Variants in DPP10 observed in about 807,000 individuals in gnomAD.
DPP10 encodes dipeptidyl peptidase like 10.
Under a neutral mutation model 120.9 loss-of-function variants are expected in DPP10, and 33 were observed. The observed-to-expected ratio is 0.27, with a 90% CI of 0.21 to 0.37. The LOEUF (loss-of-function observed/expected upper bound fraction) is 0.37, where lower values mean the gene tolerates loss of function less well. DPP10 is among the 10% of genes least tolerant of loss of function. DPP10 has a pLI of 1.00. For missense variants in DPP10, 816 were observed against 942.8 expected (o/e 0.87, Z 1.76); for synonymous variants, 337 against 326.1 (o/e 1.03, Z -0.36).
intron 1 of DPP10, chr2:114,461,507 C>A: frequency 2.3e-6 from 2 of 875,768 alleles, no homozygotes; most frequent in Non-Finnish European, 2.7e-6. Context: ...AACCAATTAG[C>A]CTCTCCCACA....
At chr2:115,376,659 T>C (rs1029967084) in intron 3 of DPP10, among the ~76,000 whole-genome samples, 3 of 150,606 alleles carry the variant, frequency 2.0e-5, no homozygotes, top group African/African-American at 7.3e-5. Flanking sequence ...CACTAACTCG[T>C]CATCTAGCAT....
At chr2:114,531,306 G>T (rs1343626193) in intron 1 of DPP10, among the ~76,000 whole-genome samples, 1 of 151,886 alleles carries the variant, frequency 6.6e-6, no homozygotes, top group Non-Finnish European at 1.5e-5. Flanking sequence ...AAATATTCCG[G>T]TCTTCAAGAA....
chr2:115,466,698 T>A (rs2074347613), intron 3 of DPP10, among the ~76,000 whole-genome samples: 1 of 152,198 alleles, frequency 6.6e-6, no homozygotes, highest in Admixed American at 6.5e-5. Flanking sequence ...AGAGGCTTGA[T>A]ATACTGTGAT....
intron 1 of DPP10, among the ~76,000 whole-genome samples, chr2:114,725,169 T>A (rs768258812): frequency 9.2e-5 from 14 of 152,204 alleles, no homozygotes; most frequent in Non-Finnish European, 1.6e-4. Context: ...GTCCCAGCCA[T>A]TGTCCTCACT....
chr2:114,575,872 C>T (rs75108550), intron 1 of DPP10, among the ~76,000 whole-genome samples: 1 of 152,200 alleles, frequency 6.6e-6, no homozygotes, highest in East Asian at 1.9e-4. Context: ...TGATTATCAT[C>T]CCCACCCCCT....
chr2:114,706,086 C>T (rs1700668219), intron 1 of DPP10, among the ~76,000 whole-genome samples: 1 of 152,196 alleles, frequency 6.6e-6, no homozygotes, highest in East Asian at 1.9e-4. Context: ...TTCTAAAGAA[C>T]CTAGCATATT....
chr2:114,832,010 GCA>G (rs140358136), intron 1 of DPP10, among the ~76,000 whole-genome samples: 5,956 of 151,522 alleles, frequency 0.039, 378 homozygotes, highest in African/African-American at 0.14. Flanking sequence ...AACAATGTTT[GCA>G]CACATTTAAA....
At chr2:114,990,643 A>G (rs1462991677) in intron 1 of DPP10, among the ~76,000 whole-genome samples, 1 of 152,048 alleles carries the variant, frequency 6.6e-6, no homozygotes, top group Non-Finnish European at 1.5e-5. Flanking sequence ...CCATTCAAGT[A>G]TTTATTTTTC....
chr2:115,082,284 C>T (rs1401045005), intron 1 of DPP10, among the ~76,000 whole-genome samples: 1 of 152,118 alleles, frequency 6.6e-6, no homozygotes, highest in South Asian at 2.1e-4. Flanking sequence ...GGAGGTTTCT[C>T]ACTCTTTAAA....
At chr2:114,804,543 C>T (rs1684555385) in intron 1 of DPP10, among the ~76,000 whole-genome samples, 1 of 152,194 alleles carries the variant, frequency 6.6e-6, no homozygotes, top group Non-Finnish European at 1.5e-5. Context: ...GAACCCACCT[C>T]TTGCATCAGC....
intron 1 of DPP10, among the ~76,000 whole-genome samples, chr2:114,798,069 GT>G (rs1181071686): frequency 1.3e-5 from 2 of 152,128 alleles, no homozygotes; most frequent in African/African-American, 4.8e-5. Flanking sequence ...TAAATTGACA[GT>G]CTACAAAGTA....
At chr2:115,799,156 A>G (rs1684877546) in intron 19 of DPP10, among the ~76,000 whole-genome samples, 1 of 152,000 alleles carries the variant, frequency 6.6e-6, no homozygotes, top group Non-Finnish European at 1.5e-5. Context: ...TCCTCTAGAC[A>G]TTAATACCTT....
At chr2:114,899,549 T>C (rs1693364549) in intron 1 of DPP10, among the ~76,000 whole-genome samples, 1 of 152,168 alleles carries the variant, frequency 6.6e-6, no homozygotes, top group Non-Finnish European at 1.5e-5. Context: ...CACCTAACTA[T>C]GCATCCTTAA....
chr2:115,415,577 A>G (rs1288944735), intron 3 of DPP10, among the ~76,000 whole-genome samples: 1 of 152,084 alleles, frequency 6.6e-6, no homozygotes, highest in African/African-American at 2.4e-5. Flanking sequence ...CAAGTGCACA[A>G]GGTTAGAAAC....
At chr2:115,758,596 C>A (rs1679721557) in intron 11 of DPP10, among the ~76,000 whole-genome samples, 1 of 151,934 alleles carries the variant, frequency 6.6e-6, no homozygotes, top group South Asian at 2.1e-4. Context: ...AACAGACAAG[C>A]TGTTTTTAAA....
At chr2:115,816,699 C>T (rs1687269190) in intron 21 of DPP10, among the ~76,000 whole-genome samples, 1 of 148,400 alleles carries the variant, frequency 6.7e-6, no homozygotes, top group South Asian at 2.1e-4. Context: ...TCACTGCAAC[C>T]TCCACCTCCC....
chr2:115,706,234 A>C (rs2092100125), intron 7 of DPP10, among the ~76,000 whole-genome samples: 1 of 151,972 alleles, frequency 6.6e-6, no homozygotes, highest in South Asian at 2.1e-4. Flanking sequence ...TCACCTACAC[A>C]TCAGGTGAGC....
chr2:114,589,816 T>C (rs569569824), intron 1 of DPP10, among the ~76,000 whole-genome samples: 1 of 152,174 alleles, frequency 6.6e-6, no homozygotes, highest in Non-Finnish European at 1.5e-5. Context: ...CTGGCCAAGA[T>C]GAGAAAAACT....
intron 1 of DPP10, among the ~76,000 whole-genome samples, chr2:115,071,744 C>T (rs1015884222): frequency 1.3e-5 from 2 of 151,960 alleles, no homozygotes; most frequent in Non-Finnish European, 2.9e-5. Context: ...TAGGTGAGGG[C>T]GTGGCTGAGG....
Sources: allele counts gnomAD v4.1 joint callset (sites outside exome capture counted in the v4.1 genomes callset), GRCh38; gene constraint gnomAD v4.1.1; transcripts MANE v1.5; gene names NCBI Gene and HGNC (gene_info 2026-07-23, HGNC 2026-07-21).